Variants in BRINP3 observed in about 807,000 individuals in gnomAD.
BRINP3 encodes BMP/retinoic acid-inducible neural-specific protein 3.
Under a neutral mutation model 71.0 loss-of-function variants are expected in BRINP3, and 19 were observed. That is an observed-to-expected ratio of 0.27 (90% CI 0.19 to 0.39). The LOEUF is 0.39. Ranked by LOEUF, BRINP3 falls within the 10% of genes least tolerant of loss-of-function variation. BRINP3 has a pLI of 1.00. For missense variants in BRINP3, 959 were observed against 940.8 expected (o/e 1.02, Z -0.25); for synonymous variants, 380 against 337.7 (o/e 1.13, Z -1.37).
At chr1:190,131,533 A>C (rs1375009896) in intron 7 of BRINP3, among the ~76,000 whole-genome samples, 4 of 151,940 alleles carry the variant, frequency 2.6e-5, no homozygotes, top group Non-Finnish European at 4.4e-5. Flanking sequence ...TGTCTATTGT[A>C]TTTCCTCAAT....
chr1:190,354,734 T>C (rs1267931128), intron 2 of BRINP3, among the ~76,000 whole-genome samples: 1 of 151,692 alleles, frequency 6.6e-6, no homozygotes, highest in African/African-American at 2.4e-5. Flanking sequence ...TTTCTCACTG[T>C]TTCCACTGCC....
chr1:190,165,076 TA>T (rs2102473855), intron 6 of BRINP3, among the ~76,000 whole-genome samples: 1 of 151,792 alleles, frequency 6.6e-6, no homozygotes, highest in East Asian at 1.9e-4. Flanking sequence ...GATAGAAAAA[TA>T]CATAATATCT....
chr1:190,475,041 TC>T (rs1161372560), intron 1 of BRINP3, among the ~76,000 whole-genome samples: 1 of 152,064 alleles, frequency 6.6e-6, no homozygotes, highest in Non-Finnish European at 1.5e-5. Flanking sequence ...AACCTTATAT[TC>T]CAAGCTCTAG....
At chr1:190,362,033 T>A (rs967288996) in intron 2 of BRINP3, 1 of 152,128 alleles carries the variant, frequency 6.6e-6, no homozygotes, top group African/African-American at 2.4e-5. Flanking sequence ...GATAACTTGG[T>A]CACTCTCTTT....
At chr1:190,417,457 T>C (rs1409836756) in intron 2 of BRINP3, among the ~76,000 whole-genome samples, 1 of 152,156 alleles carries the variant, frequency 6.6e-6, no homozygotes, top group Non-Finnish European at 1.5e-5. Flanking sequence ...CTTTATTCAA[T>C]AACATATATT....
At chr1:190,400,938 C>T (rs1473507229) in intron 2 of BRINP3, among the ~76,000 whole-genome samples, 3 of 152,168 alleles carry the variant, frequency 2.0e-5, no homozygotes, top group African/African-American at 7.2e-5. Flanking sequence ...TAAGAAAACA[C>T]CTCATATGTC....
At chr1:190,160,923 T>C (rs1320370013) in intron 6 of BRINP3, 33 bp from the exon 7 acceptor site, 2 of 1,475,708 alleles carry the variant, frequency 1.4e-6, no homozygotes, top group African/African-American at 1.4e-5. Context: ...ACTTTAATTA[T>C]GAAACAATTA....
chr1:190,120,547 G>T (rs1256784037), intron 7 of BRINP3, among the ~76,000 whole-genome samples: 4 of 151,780 alleles, frequency 2.6e-5, no homozygotes, highest in Non-Finnish European at 1.5e-5. Context: ...CCAGGCTAGA[G>T]TGCAGTGGTG....
chr1:190,166,359 T>G (rs1651538139), intron 6 of BRINP3, among the ~76,000 whole-genome samples: 1 of 152,182 alleles, frequency 6.6e-6, no homozygotes, highest in Non-Finnish European at 1.5e-5. Flanking sequence ...TGTTTTATAT[T>G]AAAGCATTTC....
chr1:190,241,771 A>G (rs1659122263), intron 4 of BRINP3, among the ~76,000 whole-genome samples: 1 of 151,908 alleles, frequency 6.6e-6, no homozygotes, highest in African/African-American at 2.4e-5. Context: ...CTAAAACAGT[A>G]CAATCTTTTC....
At chr1:190,310,520 A>G (rs1451825254) in intron 2 of BRINP3, among the ~76,000 whole-genome samples, 3 of 151,872 alleles carry the variant, frequency 2.0e-5, no homozygotes, top group South Asian at 4.1e-4. Context: ...AATATGATAG[A>G]TTATGTAAAA....
intron 3 of BRINP3, among the ~76,000 whole-genome samples, chr1:190,279,849 A>T (rs1001988270): frequency 4.0e-5 from 6 of 151,860 alleles, no homozygotes; most frequent in African/African-American, 1.4e-4. Context: ...TAACTCAATT[A>T]TCCTCTGTTT....
rs55861521 is a variant in BRINP3, at chr1:190,232,027, A to G, written c.724+2345T>C. ...TTCTCTCAATAATATATCTAAATTCAGAAGATTCCAAAATGGGCCAAACGC... is the reference window on the plus strand; with the variant it reads ...TTCTCTCAATAATATATCTAAATTCGGAAGATTCCAAAATGGGCCAAACGC... On this transcript the variant is annotated intron_variant, in intron 5 of 7. Coordinates refer to ENST00000367462, the MANE Select transcript of BRINP3 (RefSeq NM_199051.3). 6.4e-3 allele frequency among the ~76,000 whole-genome samples: 975 copies of G among 152,086 alleles called. 17 individuals are homozygous for G. Among genetic ancestry groups the G allele is most frequent in the African/African-American group, 0.021 (886 of 41,524 alleles).
intron 2 of BRINP3, among the ~76,000 whole-genome samples, chr1:190,325,089 G>A (rs1490155289): frequency 2.0e-5 from 3 of 151,840 alleles, no homozygotes; most frequent in African/African-American, 7.3e-5. Context: ...ATACAAGACA[G>A]TTACAAACAG....
intron 5 of BRINP3, among the ~76,000 whole-genome samples, chr1:190,228,650 AAAGAGG>A (rs1162569087): frequency 5.9e-5 from 9 of 151,916 alleles, no homozygotes; most frequent in African/African-American, 1.9e-4. Flanking sequence ...AGTTTTGAGA[AAAGAGG>A]TTTAGGGACG....
chr1:190,329,887 G>A (rs1666852974), intron 2 of BRINP3, among the ~76,000 whole-genome samples: 1 of 151,658 alleles, frequency 6.6e-6, no homozygotes, highest in Non-Finnish European at 1.5e-5. Flanking sequence ...CTAAGCAAAA[G>A]ATAAAGGACA....
At chr1:190,191,503 G>T (rs959259809) in intron 6 of BRINP3, among the ~76,000 whole-genome samples, 1 of 152,020 alleles carries the variant, frequency 6.6e-6, no homozygotes, top group Non-Finnish European at 1.5e-5. Context: ...CGAACAAGTG[G>T]TGTTTGATTT....
intron 2 of BRINP3, among the ~76,000 whole-genome samples, chr1:190,319,165 T>G (rs1467731231): frequency 1.3e-5 from 2 of 152,154 alleles, no homozygotes; most frequent in Admixed American, 1.3e-4. Flanking sequence ...ATATCGCACC[T>G]TCATCTAAAT....
At chr1:190,176,314 T>C (rs1038628391) in intron 6 of BRINP3, among the ~76,000 whole-genome samples, 1 of 152,162 alleles carries the variant, frequency 6.6e-6, no homozygotes, top group Non-Finnish European at 1.5e-5. Context: ...ATTTCAGTTA[T>C]GGCTCCCATT....
Sources: allele counts gnomAD v4.1 joint callset (sites outside exome capture counted in the v4.1 genomes callset), GRCh38; gene constraint gnomAD v4.1.1; transcripts MANE v1.5; gene names NCBI Gene and HGNC (gene_info 2026-07-23, HGNC 2026-07-21).